Variants in GLIS3 observed in about 807,000 individuals in gnomAD.
GLIS3 encodes the protein zinc finger protein GLIS3.
Under a neutral mutation model 78.6 loss-of-function variants are expected in GLIS3, and 53 were observed. That is an observed-to-expected ratio of 0.67 (90% CI 0.54 to 0.85). The LOEUF is 0.85. GLIS3 is among the 40% of genes least tolerant of loss of function. The probability of loss-of-function intolerance (pLI) is 0.00; values close to 1 mark genes in which losing one functional copy is unlikely to be tolerated. For missense variants in GLIS3, 1,703 were observed against 1,231.1 expected (o/e 1.38, Z -5.74); for synonymous variants, 684 against 509.9 (o/e 1.34, Z -4.60).
intron 2 of GLIS3, among the ~76,000 whole-genome samples, chr9:4,330,477 C>G (rs1228102062): frequency 6.6e-6 from 1 of 152,160 alleles, no homozygotes; most frequent in Admixed American, 6.5e-5. Flanking sequence ...AAGCGAAAGA[C>G]CCAGTCAGTC....
At chr9:3,909,116 A>G (rs1168152057) in intron 6 of GLIS3, among the ~76,000 whole-genome samples, 1 of 152,244 alleles carries the variant, frequency 6.6e-6, no homozygotes, top group Admixed American at 6.5e-5. Flanking sequence ...CGAAGCCAGA[A>G]GGAAAGACAG....
intron 4 of GLIS3, among the ~76,000 whole-genome samples, chr9:4,101,990 G>A (rs1416809541): frequency 6.6e-6 from 1 of 152,054 alleles, no homozygotes; most frequent in East Asian, 1.9e-4. Flanking sequence ...CATATATTAT[G>A]GTTTTAATAT....
At chr9:4,409,726 G>T in the GLIS3 span, among the ~76,000 whole-genome samples, 2 of 152,060 alleles carry the variant, frequency 1.3e-5, no homozygotes, top group African/African-American at 4.8e-5. Flanking sequence ...AGGAACAAAT[G>T]ATAAATCACA....
At chr9:3,973,571 A>G (rs1457494876) in intron 4 of GLIS3, among the ~76,000 whole-genome samples, 1 of 152,172 alleles carries the variant, frequency 6.6e-6, no homozygotes, top group Non-Finnish European at 1.5e-5. Context: ...TCTTTATTAC[A>G]CAAAAAATTT....
intron 2 of GLIS3, among the ~76,000 whole-genome samples, chr9:4,204,590 T>A (rs945064983): frequency 1.3e-5 from 2 of 151,396 alleles, no homozygotes; most frequent in Non-Finnish European, 2.9e-5. Context: ...CACACCAAGA[T>A]GGAAGGGAGT....
intron 2 of GLIS3, among the ~76,000 whole-genome samples, chr9:4,329,799 G>GTAA (rs1817657677): frequency 6.6e-6 from 1 of 152,110 alleles, no homozygotes; most frequent in African/African-American, 2.4e-5. Context: ...TATTAATACT[G>GTAA]TCATTTCTTC....
chr9:4,308,010 C>A (rs10974448), intron 4 of GLIS3, among the ~76,000 whole-genome samples: 28,959 of 152,136 alleles, frequency 0.19, 2,861 homozygotes, highest in African/African-American at 0.21. Flanking sequence ...TCCTCTCTCC[C>A]TTCTCCCCCA....
chr9:4,082,033 G>A (rs762747362), intron 4 of GLIS3, among the ~76,000 whole-genome samples: 2 of 152,204 alleles, frequency 1.3e-5, no homozygotes, highest in Admixed American at 1.3e-4. Flanking sequence ...ACAGAGGACA[G>A]AATCGGAATG....
chr9:4,198,797 T>TG (rs1419371473), intron 2 of GLIS3, among the ~76,000 whole-genome samples: 3 of 152,250 alleles, frequency 2.0e-5, no homozygotes, highest in African/African-American at 7.2e-5. Flanking sequence ...GAAAAAATCT[T>TG]GAAGACAGCT....
chr9:4,354,931 A>C, the GLIS3 span, among the ~76,000 whole-genome samples: 1 of 152,078 alleles, frequency 6.6e-6, no homozygotes, highest in Non-Finnish European at 1.5e-5. Flanking sequence ...CCTGGCTAAC[A>C]CGGCGAAACC....
the GLIS3 span, among the ~76,000 whole-genome samples, chr9:4,436,719 T>C: frequency 3.4e-5 from 5 of 148,816 alleles, no homozygotes; most frequent in East Asian, 5.9e-4. Flanking sequence ...GGCAGGAGAA[T>C]TGCTTGAACC....
chr9:4,455,835 G>A, the GLIS3 span, among the ~76,000 whole-genome samples: 34 of 152,196 alleles, frequency 2.2e-4, no homozygotes, highest in African/African-American at 7.7e-4. Context: ...TGTTTAGGCC[G>A]GGTGTGGTGG....
chr9:4,092,473 CT>C (rs1829604511), intron 4 of GLIS3, among the ~76,000 whole-genome samples: 1 of 152,196 alleles, frequency 6.6e-6, no homozygotes, highest in African/African-American at 2.4e-5. Flanking sequence ...CACAAACACA[CT>C]GTACAGCTGC....
chr9:4,144,454 T>A (rs1397555922), intron 2 of GLIS3, among the ~76,000 whole-genome samples: 1 of 152,218 alleles, frequency 6.6e-6, no homozygotes. Flanking sequence ...TTCTGTGTCA[T>A]TTTTGTTTAG....
intron 1 of GLIS3, among the ~76,000 whole-genome samples, chr9:4,289,492 A>G (rs1486219012): frequency 1.3e-5 from 2 of 152,142 alleles, no homozygotes; most frequent in African/African-American, 4.8e-5. Context: ...TCAACATTGC[A>G]TTTACACTTT....
At chr9:3,970,677 A>G (rs1283979510) in intron 4 of GLIS3, among the ~76,000 whole-genome samples, 1 of 152,204 alleles carries the variant, frequency 6.6e-6, no homozygotes, top group East Asian at 1.9e-4. Context: ...TTGCAGGATT[A>G]TTCAGCAGAG....
intron 4 of GLIS3, among the ~76,000 whole-genome samples, chr9:4,059,640 A>C (rs1826455629): frequency 6.6e-6 from 1 of 152,142 alleles, no homozygotes; most frequent in African/African-American, 2.4e-5. Context: ...GATCCTTATT[A>C]TTCTAAACAG....
chr9:3,995,984 T>C (rs1309764926), intron 4 of GLIS3, among the ~76,000 whole-genome samples: 1 of 151,622 alleles, frequency 6.6e-6, no homozygotes, highest in East Asian at 1.9e-4. Flanking sequence ...GCAAGACTAA[T>C]AAAAACAAGT....
At chr9:3,886,955 C>T (rs1041137264) in intron 7 of GLIS3, among the ~76,000 whole-genome samples, 7 of 152,170 alleles carry the variant, frequency 4.6e-5, no homozygotes, top group African/African-American at 9.7e-5. Flanking sequence ...TCATTTCCCC[C>T]CTTCCCCTGC....
Sources: gnomAD v4.1 joint callset for allele counts (sites outside exome capture counted in the v4.1 genomes callset) on GRCh38, gnomAD v4.1.1 for gene constraint, MANE v1.5 for transcripts, NCBI Gene and HGNC (gene_info 2026-07-23, HGNC 2026-07-21) for gene names.